SETBP1: variants seen among roughly 807,000 people sequenced by gnomAD.
SETBP1 encodes SET binding protein 1.
A neutral mutation model predicts 101.0 loss-of-function variants in SETBP1; 9 were observed. The observed-to-expected ratio is 0.09, with a 90% CI of 0.05 to 0.16. The LOEUF (loss-of-function observed/expected upper bound fraction) is 0.16, where lower values mean the gene tolerates loss of function less well. Among genes scored for constraint, SETBP1 ranks in the 10% least tolerant of loss-of-function variants. SETBP1 has a pLI of 1.00. For synonymous variants in SETBP1, 818 were observed against 788.5 expected, an observed-to-expected ratio of 1.04 and a Z score of -0.63; for missense variants, 1,858 against 2,033.8, an observed-to-expected ratio of 0.91 and a Z score of 1.66.
At chr18:44,967,434 T>C (rs533983694) in intron 4 of SETBP1, among the ~76,000 whole-genome samples, 2 of 152,342 alleles carry the variant, frequency 1.3e-5, no homozygotes, top group African/African-American at 2.4e-5. Flanking sequence ...GAAATGTGGA[T>C]TGGTACTCTA....
chr18:44,926,614 G>C (rs2070710300), intron 3 of SETBP1, among the ~76,000 whole-genome samples: 1 of 152,158 alleles, frequency 6.6e-6, no homozygotes, highest in Admixed American at 6.6e-5. Context: ...ATCAAGGAAA[G>C]AGGTCCTCAG....
At chr18:44,995,553 G>GTGTGTGTGTGTGTGTGTGTT (rs2072479658) in intron 4 of SETBP1, among the ~76,000 whole-genome samples, 1 of 151,638 alleles carries the variant, frequency 6.6e-6, no homozygotes, top group Admixed American at 6.6e-5. Context: ...GTGTGTGTGT[G>GTGTGTGTGTGTGTGTGTGTT]TGTGTGTGTG....
intron 2 of SETBP1, among the ~76,000 whole-genome samples, chr18:44,804,606 C>G (rs189481671): frequency 6.6e-6 from 1 of 152,084 alleles, no homozygotes; most frequent in African/African-American, 2.4e-5. Context: ...CTAAAGGATC[C>G]CAAAGTATTT....
intron 3 of SETBP1, among the ~76,000 whole-genome samples, chr18:44,919,814 T>C (rs2070537717): frequency 6.6e-6 from 1 of 152,100 alleles, no homozygotes; most frequent in African/African-American, 2.4e-5. Flanking sequence ...TGCATATACA[T>C]ACATGAATTT....
chr18:44,804,452 T>A (rs185368113), intron 2 of SETBP1, among the ~76,000 whole-genome samples: 104 of 152,234 alleles, frequency 6.8e-4, no homozygotes, highest in African/African-American at 2.5e-3. Flanking sequence ...TGGAGAACAT[T>A]CTGGCAGAAT....
intron 4 of SETBP1, among the ~76,000 whole-genome samples, chr18:44,963,979 A>G (rs2071668726): frequency 1.1e-5 from 1 of 92,792 alleles, no homozygotes; most frequent in Non-Finnish European, 2.3e-5. Flanking sequence ...TAAGAGATCC[A>G]TGAAAAAAAA....
At chr18:44,715,046 G>C (rs183555391) in intron 2 of SETBP1, among the ~76,000 whole-genome samples, 27 of 152,266 alleles carry the variant, frequency 1.8e-4, no homozygotes, top group Admixed American at 1.8e-3. Context: ...TTGGTGGGGT[G>C]GGGGGTGTTT....
chr18:44,785,563 T>G (rs2071223221), intron 2 of SETBP1, among the ~76,000 whole-genome samples: 1 of 152,222 alleles, frequency 6.6e-6, no homozygotes, highest in Non-Finnish European at 1.5e-5. Flanking sequence ...AATGTCTGAG[T>G]GCTGGTGAAG....
intron 2 of SETBP1, among the ~76,000 whole-genome samples, chr18:44,821,196 GACGTTA>G (rs1242983010): frequency 6.6e-6 from 1 of 152,164 alleles, no homozygotes; most frequent in Non-Finnish European, 1.5e-5. Flanking sequence ...GTGAAATCAG[GACGTTA>G]ACTCCTTCTC....
At chr18:44,798,206 C>T (rs923773818) in intron 2 of SETBP1, among the ~76,000 whole-genome samples, 5 of 152,136 alleles carry the variant, frequency 3.3e-5, no homozygotes, top group Non-Finnish European at 7.4e-5. Context: ...CAAGAAATAA[C>T]ATAATGTTGA....
At chr18:44,854,946 C>T (rs546400612) in intron 2 of SETBP1, among the ~76,000 whole-genome samples, 1 of 152,286 alleles carries the variant, frequency 6.6e-6, no homozygotes, top group South Asian at 2.1e-4. Context: ...CTTTGCTGTT[C>T]CACCAACACT....
intron 2 of SETBP1, among the ~76,000 whole-genome samples, chr18:44,702,313 T>A (rs905802390): frequency 7.2e-5 from 11 of 152,206 alleles, no homozygotes; most frequent in African/African-American, 1.9e-4. Context: ...TTCATATAAG[T>A]GGACTCTTGA....
chr18:45,019,507 T>C (rs369521319), intron 4 of SETBP1, among the ~76,000 whole-genome samples: 3 of 152,244 alleles, frequency 2.0e-5, no homozygotes, highest in East Asian at 1.9e-4. Context: ...ATTTGCCTCA[T>C]TGGCAATTCT....
At chr18:44,945,353 G>C (rs144549060) in intron 3 of SETBP1, among the ~76,000 whole-genome samples, 50 of 152,322 alleles carry the variant, frequency 3.3e-4, no homozygotes, top group African/African-American at 1.2e-3. Flanking sequence ...TTATAGGGGA[G>C]AGAATAGCTA....
At chr18:44,705,484 A>C (rs575749929) in intron 2 of SETBP1, among the ~76,000 whole-genome samples, 1 of 152,314 alleles carries the variant, frequency 6.6e-6, no homozygotes, top group East Asian at 1.9e-4. Flanking sequence ...TTAATAATTC[A>C]GCCTCCAAGT....
At chr18:44,820,630 T>C (rs1418211915) in intron 2 of SETBP1, among the ~76,000 whole-genome samples, 1 of 152,172 alleles carries the variant, frequency 6.6e-6, no homozygotes, top group Non-Finnish European at 1.5e-5. Flanking sequence ...GCTCCCTCAC[T>C]TCGTCATCCA....
chr18:44,788,068 C>T (rs1288676590), intron 2 of SETBP1, among the ~76,000 whole-genome samples: 5 of 150,714 alleles, frequency 3.3e-5, no homozygotes, highest in Non-Finnish European at 7.4e-5. Flanking sequence ...AATGTGGCAC[C>T]GGAAGGTAAT....
intron 2 of SETBP1, among the ~76,000 whole-genome samples, chr18:44,843,634 C>G (rs904768884): frequency 6.6e-6 from 1 of 152,136 alleles, no homozygotes; most frequent in African/African-American, 2.4e-5. Context: ...TGGTCATGCA[C>G]CCCTCCCAGG....
intron 3 of SETBP1, among the ~76,000 whole-genome samples, chr18:44,901,990 A>T (rs2070057573): frequency 6.6e-6 from 1 of 152,206 alleles, no homozygotes; most frequent in South Asian, 2.1e-4. Flanking sequence ...ATCTAGGCTC[A>T]TGTCTGTCTA....
Sources: allele counts gnomAD v4.1 joint callset (sites outside exome capture counted in the v4.1 genomes callset), GRCh38; gene constraint gnomAD v4.1.1; transcripts MANE v1.5; gene names NCBI Gene and HGNC (gene_info 2026-07-23, HGNC 2026-07-21).